DIAPH2: variants seen among roughly 807,000 people sequenced by gnomAD.
DIAPH2 encodes the protein diaphanous related formin 2.
A neutral mutation model predicts 92.7 loss-of-function variants in DIAPH2; 35 were observed. The observed-to-expected ratio is 0.38, with a 90% CI of 0.29 to 0.50. The LOEUF (loss-of-function observed/expected upper bound fraction) is 0.50, where lower values mean the gene tolerates loss of function less well. DIAPH2 is among the 20% of genes least tolerant of loss of function. DIAPH2 has a pLI of 0.94. For synonymous variants in DIAPH2, 301 were observed against 280.4 expected (o/e 1.07, Z -0.73); for missense variants, 701 against 819.5 (o/e 0.86, Z 1.77).
intron 17 of DIAPH2, among the ~76,000 whole-genome samples, chrX:96,969,338 A>G (rs2065912946): frequency 1.8e-5 from 2 of 110,891 alleles, no homozygotes; most frequent in African/African-American, 6.6e-5. Flanking sequence ...CTTTTTAATG[A>G]TATTGACTCA....
At chrX:96,776,731 A>G (rs1441164234) in intron 4 of DIAPH2, among the ~76,000 whole-genome samples, 2 of 110,598 alleles carry the variant, frequency 1.8e-5, no homozygotes, top group Non-Finnish European at 3.8e-5. Flanking sequence ...AAATATTTCA[A>G]TACAAAAGCC....
chrX:97,159,492 A>G (rs2067349660), intron 22 of DIAPH2, among the ~76,000 whole-genome samples: 1 of 111,805 alleles, frequency 8.9e-6, no homozygotes, highest in African/African-American at 3.3e-5. Context: ...CATTAGCCAA[A>G]CACTTCCTGC....
intron 23 of DIAPH2, among the ~76,000 whole-genome samples, chrX:97,313,927 A>G (rs1030962512): frequency 1.4e-4 from 16 of 110,691 alleles, no homozygotes; most frequent in African/African-American, 4.9e-4. Context: ...GGCATGAGCC[A>G]CCGTGCCCGG....
intron 1 of DIAPH2, among the ~76,000 whole-genome samples, chrX:96,710,574 T>G (rs1310330694): frequency 8.9e-6 from 1 of 111,879 alleles, no homozygotes; most frequent in Non-Finnish European, 1.9e-5. Flanking sequence ...CTTTTTACTT[T>G]GTGTGGATTA....
At chrX:97,272,216 C>T (rs2068394999) in intron 23 of DIAPH2, among the ~76,000 whole-genome samples, 1 of 110,532 alleles carries the variant, frequency 9.0e-6, no homozygotes, top group Non-Finnish European at 1.9e-5. Context: ...CCAGGTTGGT[C>T]TCGAACTCCT....
intron 23 of DIAPH2, among the ~76,000 whole-genome samples, chrX:97,313,797 C>A (rs1046746396): frequency 1.8e-5 from 2 of 110,360 alleles, no homozygotes; most frequent in African/African-American, 6.6e-5. Context: ...CACCACCATG[C>A]CCGGCTAATT....
At chrX:97,146,412 T>C (rs1366783797) in intron 22 of DIAPH2, among the ~76,000 whole-genome samples, 2 of 110,824 alleles carry the variant, frequency 1.8e-5, no homozygotes, top group Admixed American at 9.6e-5. Flanking sequence ...ATAGCTAATA[T>C]TGAAAGAACA....
At chrX:96,807,047 T>A in intron 4 of DIAPH2, among the ~76,000 whole-genome samples, 1 of 112,319 alleles carries the variant, frequency 8.9e-6, no homozygotes. Context: ...TGGCCCTGGT[T>A]TCTGTTAAAC....
At chrX:97,436,719 G>A (rs760422831) in intron 26 of DIAPH2, among the ~76,000 whole-genome samples, 1 of 111,495 alleles carries the variant, frequency 9.0e-6, no homozygotes, top group South Asian at 3.8e-4. Context: ...GATCTATGAA[G>A]CATTTCTGGG....
At chrX:96,866,632 T>C (rs1042273496) in intron 4 of DIAPH2, among the ~76,000 whole-genome samples, 1 of 112,342 alleles carries the variant, frequency 8.9e-6, no homozygotes, top group Non-Finnish European at 1.9e-5. Flanking sequence ...AAAAATCATA[T>C]GAGTTGTACT....
intron 23 of DIAPH2, among the ~76,000 whole-genome samples, chrX:97,299,500 C>G (rs776723712): frequency 4.5e-5 from 5 of 111,631 alleles, no homozygotes; most frequent in Non-Finnish European, 9.4e-5. Flanking sequence ...ATCATAGATT[C>G]AACTTTTAGC....
chrX:96,844,954 A>G (rs1311982273), intron 4 of DIAPH2, among the ~76,000 whole-genome samples: 1 of 112,161 alleles, frequency 8.9e-6, no homozygotes, highest in Non-Finnish European at 1.9e-5. Flanking sequence ...TTTATGATTT[A>G]TTTTAAAACA....
intron 20 of DIAPH2, among the ~76,000 whole-genome samples, chrX:97,110,133 T>G (rs776758405): frequency 8.9e-6 from 1 of 112,108 alleles, no homozygotes. Context: ...TGGAAAATAG[T>G]CAGCTAAGGA....
At chrX:96,978,339 G>GCC (rs2065974501) in intron 17 of DIAPH2, among the ~76,000 whole-genome samples, 1 of 110,337 alleles carries the variant, frequency 9.1e-6, no homozygotes, top group South Asian at 3.8e-4. Context: ...TTTAAGGATA[G>GCC]CCCCATTTAT....
intron 26 of DIAPH2, among the ~76,000 whole-genome samples, chrX:97,593,734 A>G (rs944738158): frequency 8.1e-5 from 9 of 111,667 alleles, no homozygotes; most frequent in African/African-American, 1.9e-4. Flanking sequence ...AAATATTTCA[A>G]TTGTTTAGTA....
In DIAPH2 at chrX:96,999,621, T is replaced by G. The variant is rs369094680; in HGVS notation, c.2050+34414T>G. Among the ~76,000 whole-genome samples the G allele has an allele frequency of 2.2e-4, 24 of 111,068 alleles. No individual in the cohort carries two copies. The East Asian group carries it at 4.5e-3, about 21-fold the overall frequency. On this transcript the variant is annotated intron_variant, in intron 17 of 26. Coordinates refer to ENST00000324765, the MANE Select transcript of DIAPH2 (RefSeq NM_006729.5). The stretch of plus-strand genomic sequence containing the variant: ...GTATTTTTCTTTCATTTTTGAATAA[T>G]GAGTTCCTTCAGGGTAAGAACCATG...
chrX:97,498,552 G>C lies in DIAPH2; in HGVS notation c.3241+68807G>C, dbSNP rs74755030. On this transcript the variant is annotated intron_variant, in intron 26 of 26. Transcript: ENST00000324765. ...TATGTAAAGTACCTCTTTAGCAGGAGACTCTAAGGTATCTCAGAAGAGAGT... is the reference window on the plus strand; with the variant it reads ...TATGTAAAGTACCTCTTTAGCAGGACACTCTAAGGTATCTCAGAAGAGAGT... Among the ~76,000 whole-genome samples, 65 of 111,628 alleles carry C rather than the reference G, an allele frequency of 5.8e-4. 1 individual carries two copies. Among genetic ancestry groups the C allele is most frequent in the Non-Finnish European group, 1.0e-3 (54 of 53,156 alleles).
intron 3 of DIAPH2, among the ~76,000 whole-genome samples, chrX:96,745,695 G>T (rs2064145860): frequency 8.9e-6 from 1 of 111,781 alleles, no homozygotes; most frequent in Non-Finnish European, 1.9e-5. Context: ...GAAAAATTGT[G>T]AAATGAGTCC....
chrX:97,294,778 A>G (rs2032152084), intron 23 of DIAPH2, among the ~76,000 whole-genome samples: 1 of 111,892 alleles, frequency 8.9e-6, no homozygotes, highest in African/African-American at 3.2e-5. Flanking sequence ...CAAATATTCA[A>G]CTAATATTTA....
Sources: allele counts gnomAD v4.1 joint callset (sites outside exome capture counted in the v4.1 genomes callset), GRCh38; gene constraint gnomAD v4.1.1; transcripts MANE v1.5; gene names NCBI Gene and HGNC (gene_info 2026-07-23, HGNC 2026-07-21).